Variants in CNR2 observed in about 807,000 individuals in gnomAD.
CNR2 encodes the protein cannabinoid receptor 2, also known as cannabinoid receptor 2 (macrophage).
For missense variants in CNR2, 379 were observed against 439.9 expected (o/e 0.86, Z 1.24); for synonymous variants, 172 against 182.2 (o/e 0.94, Z 0.45).
intron 1 of CNR2, chr1:23,902,057 C>T: frequency 6.4e-7 from 1 of 1,561,702 alleles, no homozygotes; most frequent in Non-Finnish European, 8.8e-7. Context: ...GCGCCGTTGG[C>T]AAACTCCTCT....
intron 1 of CNR2, among the ~76,000 whole-genome samples, chr1:23,905,119 TG>T (rs949096926): frequency 6.6e-6 from 1 of 152,096 alleles, no homozygotes; most frequent in Non-Finnish European, 1.5e-5. Flanking sequence ...CAACTAATAC[TG>T]AAATTGCACC....
intron 1 of CNR2, among the ~76,000 whole-genome samples, chr1:23,879,451 A>G (rs1486140090): frequency 5.3e-5 from 8 of 152,084 alleles, no homozygotes; most frequent in Non-Finnish European, 1.2e-4. Context: ...CCATCTCTAC[A>G]AGACATAAAA....
intron 1 of CNR2, among the ~76,000 whole-genome samples, chr1:23,890,317 C>G (rs1007113647): frequency 9.2e-5 from 14 of 151,550 alleles, no homozygotes; most frequent in Non-Finnish European, 1.8e-4. Context: ...TTCTGTCCTC[C>G]AGCTATGCCT....
chr1:23,880,411 T>C (rs1184172369), intron 1 of CNR2, among the ~76,000 whole-genome samples: 1 of 152,100 alleles, frequency 6.6e-6, no homozygotes, highest in Non-Finnish European at 1.5e-5. Flanking sequence ...TCTGACCTCG[T>C]GATCTGCCCG....
At position 23,890,701 on chromosome 1, in the gene CNR2, C is replaced by T. The variant is rs1252923881; in HGVS notation, c.-45-15039G>A. On this transcript the variant is annotated intron_variant, in intron 1 of 1. Coordinates refer to ENST00000374472, the MANE Select transcript of CNR2 (RefSeq NM_001841.3). ...CGAAGTTTGCAGTGAGCCGAGATCG[C>T]GCCACTGCACTCCAGCCTGGGCAAC... 3.3e-5 allele frequency among the ~76,000 whole-genome samples: 5 copies of T among 149,942 alleles called. No individual in the cohort carries two copies. In the East Asian group the frequency reaches 6.1e-4, roughly 18 times the overall value.
At chr1:23,901,760 T>A (rs1557533580) in intron 1 of CNR2, 4 of 1,459,422 alleles carry the variant, frequency 2.7e-6, no homozygotes, top group Non-Finnish European at 3.8e-6. Flanking sequence ...CCTCTTGAGC[T>A]CAATCTTCAC....
rs1156270592 is a variant in CNR2 at position 23,873,044 on chromosome 1, T to C, written c.*1491A>G. 6.6e-6 allele frequency: 1 copy of C among 152,160 alleles called. No homozygotes were observed. The highest frequency in any genetic ancestry group is 1.5e-5 in the Non-Finnish European group (1 of 68,028). 9.4% of individuals were successfully genotyped at this position (152,160 alleles called of 1,614,324 possible). A position where few individuals can be genotyped will look rare whatever the true frequency, so the allele number is the denominator to read the frequency against. The stretch of plus-strand genomic sequence containing the variant: ...TGAATAAGTGAATAGCTAGTGGATA[T>C]TTTGTCTTGAAAGTATTAAACGAAG... On this transcript the variant is annotated 3_prime_UTR_variant, in exon 2 of 2. Coordinates refer to ENST00000374472, the MANE Select transcript of CNR2 (RefSeq NM_001841.3).
intron 1 of CNR2, chr1:23,902,291 G>A: frequency 4.7e-6 from 7 of 1,494,380 alleles, no homozygotes; most frequent in Admixed American, 1.9e-5. Context: ...GGGCCATCTC[G>A]GCCTGTGCGT....
At chr1:23,880,185 C>CTTTTTTTCT (rs1553140135) in intron 1 of CNR2, among the ~76,000 whole-genome samples, 1 of 128,752 alleles carries the variant, frequency 7.8e-6, no homozygotes, top group Non-Finnish European at 1.6e-5. Flanking sequence ...ACTTCCAACT[C>CTTTTTTTCT]TTTTTTTTTT....
chr1:23,897,978 T>C (rs1416515790), intron 1 of CNR2, among the ~76,000 whole-genome samples: 2 of 152,144 alleles, frequency 1.3e-5, no homozygotes, highest in Non-Finnish European at 2.9e-5. Context: ...AAGCACTGTG[T>C]CCTTTTCTGT....
At chr1:23,877,357 C>A (rs9424393) in intron 1 of CNR2, among the ~76,000 whole-genome samples, 1 of 151,958 alleles carries the variant, frequency 6.6e-6, no homozygotes, top group African/African-American at 2.4e-5. Flanking sequence ...ATCTGGTGGC[C>A]GGGCACGGTG....
chr1:23,874,420 G>C lies in CNR2; in HGVS notation c.*115C>G. 1 of 1,193,140 alleles carries C rather than the reference G, an allele frequency of 8.4e-7. No homozygotes were observed. Among genetic ancestry groups the C allele is most frequent in the Non-Finnish European group, 1.2e-6 (1 of 852,840 alleles). The allele number at this position is 1,193,140 out of a possible 1,614,324, so 73.9% of individuals were successfully genotyped here. A position where few individuals can be genotyped will look rare whatever the true frequency, so the allele number is the denominator to read the frequency against. On this transcript the variant is annotated 3_prime_UTR_variant, in exon 2 of 2. Transcript: ENST00000374472. The stretch of plus-strand genomic sequence containing the variant: ...AACACTCATCAGCAAAAAGGGGTCC[G>C]TGTCTAGGTGTCTGGGACTGGTTTA...
intron 1 of CNR2, among the ~76,000 whole-genome samples, chr1:23,886,609 T>C (rs377731866): frequency 4.3e-4 from 66 of 152,376 alleles, no homozygotes; most frequent in African/African-American, 1.5e-3. Context: ...GAGTAAGCCA[T>C]ATCTTGACTG....
intron 1 of CNR2, chr1:23,907,232 T>C (rs1487959456): frequency 6.6e-6 from 1 of 151,602 alleles, no homozygotes; most frequent in Non-Finnish European, 1.5e-5. Context: ...CTATCTCTAC[T>C]AAAAATACAA....
intron 1 of CNR2, among the ~76,000 whole-genome samples, chr1:23,908,582 G>A (rs1343001719): frequency 6.6e-6 from 1 of 152,194 alleles, no homozygotes; most frequent in African/African-American, 2.4e-5. Flanking sequence ...GGAAAAGCTG[G>A]TAGAAAGTAG....
In CNR2 at chr1:23,913,036, G is replaced by T. The variant is rs532690472; in HGVS notation, c.-46+210C>A. On this transcript the variant is annotated intron_variant, in intron 1 of 1. Coordinates refer to ENST00000374472, the MANE Select transcript of CNR2 (RefSeq NM_001841.3). ...ACAAAAATTAGCCAGACGCAGTAGT[G>T]CACACCTGTAATCCCAACTACACGG... Among the ~76,000 whole-genome samples, 20 of 152,196 alleles carry T rather than the reference G, an allele frequency of 1.3e-4. No individual in the cohort carries two copies. In the South Asian group the frequency reaches 2.5e-3, roughly 19 times the overall value.
At chr1:23,909,214 TTGTC>T (rs1640545942) in intron 1 of CNR2, among the ~76,000 whole-genome samples, 1 of 152,144 alleles carries the variant, frequency 6.6e-6, no homozygotes, top group Non-Finnish European at 1.5e-5. Context: ...TAATCTGGCC[TTGTC>T]TGTCATTTTC....
intron 1 of CNR2, among the ~76,000 whole-genome samples, chr1:23,898,183 T>G (rs1221877842): frequency 7.0e-6 from 1 of 143,628 alleles, no homozygotes; most frequent in Non-Finnish European, 1.5e-5. Flanking sequence ...CCCGCCACCA[T>G]GCCTAGCTAT....
At chr1:23,896,168 A>C (rs1370605624) in intron 1 of CNR2, among the ~76,000 whole-genome samples, 1 of 152,144 alleles carries the variant, frequency 6.6e-6, no homozygotes, top group Non-Finnish European at 1.5e-5. Context: ...ACACCCTGCC[A>C]GGCCCTAGAC....
Sources: allele counts gnomAD v4.1 joint callset (sites outside exome capture counted in the v4.1 genomes callset), GRCh38; gene constraint gnomAD v4.1.1; transcripts MANE v1.5; gene names NCBI Gene and HGNC (gene_info 2026-07-23, HGNC 2026-07-21).